Variants in CNTNAP2 observed in about 807,000 individuals in gnomAD.
CNTNAP2 encodes the protein contactin-associated protein-like 2.
Under a neutral mutation model 155.2 loss-of-function variants are expected in CNTNAP2, and 98 were observed. The observed-to-expected ratio is 0.63, with a 90% CI of 0.54 to 0.75. The LOEUF (loss-of-function observed/expected upper bound fraction) is 0.75, where lower values mean the gene tolerates loss of function less well. Among genes scored for constraint, CNTNAP2 ranks in the 30% least tolerant of loss-of-function variants. CNTNAP2 has a pLI of 0.00. For missense variants in CNTNAP2, 1,727 were observed against 1,688.1 expected (o/e 1.02, Z -0.40); for synonymous variants, 651 against 631.2 (o/e 1.03, Z -0.47).
At chr7:147,251,767 C>A (rs1417189874) in intron 8 of CNTNAP2, among the ~76,000 whole-genome samples, 1 of 152,156 alleles carries the variant, frequency 6.6e-6, no homozygotes, top group Non-Finnish European at 1.5e-5. Flanking sequence ...TAAAATGAAC[C>A]TACTGTGAAC....
At chr7:146,367,652 AT>A (rs1378069842) in intron 1 of CNTNAP2, among the ~76,000 whole-genome samples, 1 of 152,128 alleles carries the variant, frequency 6.6e-6, no homozygotes, top group Non-Finnish European at 1.5e-5. Flanking sequence ...TAAGTTATCT[AT>A]TCCTTTCAGT....
chr7:146,367,426 TTAATA>T (rs1272742922), intron 1 of CNTNAP2, among the ~76,000 whole-genome samples: 1 of 152,094 alleles, frequency 6.6e-6, no homozygotes, highest in African/African-American at 2.4e-5. Flanking sequence ...ACCAATTTCT[TTAATA>T]TAAGAGTTTA....
At chr7:148,057,245 G>A (rs985138312) in intron 15 of CNTNAP2, among the ~76,000 whole-genome samples, 1 of 151,944 alleles carries the variant, frequency 6.6e-6, no homozygotes, top group African/African-American at 2.4e-5. Context: ...GGGTAGGAGG[G>A]TGCACAAGTA....
chr7:146,512,592 T>C (rs1797483508), intron 1 of CNTNAP2, among the ~76,000 whole-genome samples: 1 of 151,894 alleles, frequency 6.6e-6, no homozygotes, highest in African/African-American at 2.4e-5. Context: ...TTCGTAGAGT[T>C]TCCAAGGTTT....
At chr7:146,379,467 A>G (rs1372225444) in intron 1 of CNTNAP2, among the ~76,000 whole-genome samples, 1 of 152,162 alleles carries the variant, frequency 6.6e-6, no homozygotes, top group Non-Finnish European at 1.5e-5. Context: ...CTTGAACTGA[A>G]GATGAGACTC....
intron 3 of CNTNAP2, among the ~76,000 whole-genome samples, chr7:146,945,997 G>T (rs1797162412): frequency 6.6e-6 from 1 of 152,076 alleles, no homozygotes; most frequent in South Asian, 2.1e-4. Flanking sequence ...GAAAGGTGGG[G>T]CCAAAGAGAG....
At chr7:147,546,029 G>A (rs1042366378) in intron 11 of CNTNAP2, among the ~76,000 whole-genome samples, 2 of 152,122 alleles carry the variant, frequency 1.3e-5, no homozygotes, top group African/African-American at 4.8e-5. Flanking sequence ...AGCCTCCCCA[G>A]CCATGTGGAA....
At chr7:147,455,927 C>T (rs1797910569) in intron 10 of CNTNAP2, among the ~76,000 whole-genome samples, 1 of 152,020 alleles carries the variant, frequency 6.6e-6, no homozygotes, top group Admixed American at 6.6e-5. Flanking sequence ...AAAGCAATAT[C>T]ATAATCTCCA....
At chr7:146,792,481 C>A (rs1329199579) in intron 2 of CNTNAP2, among the ~76,000 whole-genome samples, 1 of 152,092 alleles carries the variant, frequency 6.6e-6, no homozygotes, top group Non-Finnish European at 1.5e-5. Context: ...TTCCAATGTA[C>A]AATAATACAG....
chr7:146,421,911 G>A (rs965711772), intron 1 of CNTNAP2, among the ~76,000 whole-genome samples: 1 of 151,222 alleles, frequency 6.6e-6, no homozygotes, highest in African/African-American at 2.4e-5. Flanking sequence ...TTTACACATT[G>A]GACTTTTCTA....
chr7:147,171,820 G>GC (rs1802232936), intron 8 of CNTNAP2, among the ~76,000 whole-genome samples: 1 of 149,732 alleles, frequency 6.7e-6, no homozygotes, highest in Admixed American at 6.6e-5. Context: ...ACTGAGTCAG[G>GC]CATTTTTTTT....
intron 15 of CNTNAP2, among the ~76,000 whole-genome samples, chr7:147,990,702 C>T (rs549586444): frequency 5.5e-4 from 84 of 152,112 alleles, no homozygotes; most frequent in South Asian, 1.2e-3. Flanking sequence ...TTTAAAATGG[C>T]GGTGCTTGTC....
chr7:147,094,596 C>T (rs1334705254), intron 4 of CNTNAP2, among the ~76,000 whole-genome samples: 6 of 151,078 alleles, frequency 4.0e-5, no homozygotes, highest in African/African-American at 9.8e-5. Flanking sequence ...TTAGTAGAGA[C>T]GGGGTTTCAC....
At chr7:146,512,640 G>A (rs376154711) in intron 1 of CNTNAP2, among the ~76,000 whole-genome samples, 31 of 151,570 alleles carry the variant, frequency 2.0e-4, no homozygotes, top group African/African-American at 5.8e-4. Flanking sequence ...CATTGTGGTC[G>A]GAAAAGATAT....
intron 15 of CNTNAP2, among the ~76,000 whole-genome samples, chr7:148,078,625 T>C (rs1803541248): frequency 6.6e-6 from 1 of 152,028 alleles, no homozygotes; most frequent in South Asian, 2.1e-4. Flanking sequence ...GGATTACAGG[T>C]GCCCACCACC....
At chr7:148,218,964 G>A (rs1208908361) in intron 19 of CNTNAP2, among the ~76,000 whole-genome samples, 1 of 90,810 alleles carries the variant, frequency 1.1e-5, no homozygotes, top group African/African-American at 5.6e-5. Flanking sequence ...TTTTTTTGGA[G>A]ATGGAGTCTC....
At chr7:147,542,243 C>T (rs943885536) in intron 11 of CNTNAP2, among the ~76,000 whole-genome samples, 1 of 151,712 alleles carries the variant, frequency 6.6e-6, no homozygotes, top group Non-Finnish European at 1.5e-5. Flanking sequence ...ATATCCTTTT[C>T]CTTTCTTCTT....
chr7:148,166,854 A>G (rs1805675942), intron 17 of CNTNAP2, among the ~76,000 whole-genome samples: 1 of 152,212 alleles, frequency 6.6e-6, no homozygotes, highest in Non-Finnish European at 1.5e-5. Flanking sequence ...TGTCACCAAG[A>G]AAGATTTCTA....
intron 19 of CNTNAP2, among the ~76,000 whole-genome samples, chr7:148,225,516 G>A (rs1411448918): frequency 6.6e-6 from 1 of 152,150 alleles, no homozygotes; most frequent in Admixed American, 6.5e-5. Context: ...GCAATAATGA[G>A]GAGATCATAT....
Sources: gnomAD v4.1 joint callset for allele counts (sites outside exome capture counted in the v4.1 genomes callset) on GRCh38, gnomAD v4.1.1 for gene constraint, MANE v1.5 for transcripts, NCBI Gene and HGNC (gene_info 2026-07-23, HGNC 2026-07-21) for gene names.